NCOA7: variants seen among roughly 807,000 people sequenced by gnomAD.
NCOA7 encodes the protein 140 kDa estrogen receptor-associated protein.
In NCOA7, 45 loss-of-function variants were observed where a neutral mutation model predicts 104.3. That is an observed-to-expected ratio of 0.43 (90% CI 0.34 to 0.55). The LOEUF (loss-of-function observed/expected upper bound fraction) is 0.55, where lower values mean the gene tolerates loss of function less well. NCOA7 is among the 20% of genes least tolerant of loss of function. The pLI is 0.02. For missense variants in NCOA7, 1,041 were observed against 1,119.7 expected, an observed-to-expected ratio of 0.93 and a Z score of 1.00; for synonymous variants, 398 against 402.3, an observed-to-expected ratio of 0.99 and a Z score of 0.13.
intron 2 of NCOA7, among the ~76,000 whole-genome samples, chr6:125,836,051 G>A (rs913950999): frequency 6.6e-6 from 1 of 152,038 alleles, no homozygotes; most frequent in Non-Finnish European, 1.5e-5. Context: ...GAAACAAAAT[G>A]GAAAAGGTAC....
At chr6:125,840,578 A>G (rs956456753) in intron 2 of NCOA7, among the ~76,000 whole-genome samples, 5 of 151,738 alleles carry the variant, frequency 3.3e-5, no homozygotes, top group African/African-American at 1.2e-4. Flanking sequence ...CAGTGGCATG[A>G]TCATAGCTCA....
At position 125,889,600 on chromosome 6, in the gene NCOA7, G is replaced by A. The variant is rs1784485965; in HGVS notation, c.1546G>A (p.Asp516Asn). 4 of 1,613,776 alleles carry A rather than the reference G, an allele frequency of 2.5e-6. No individual in the cohort carries two copies. In the East Asian group the frequency reaches 8.9e-5, roughly 36 times the overall value. The change falls in exon 9 of 16, where the codon GAT becomes AAT. Residue 516 changes from aspartate to asparagine, a missense_variant. Asp to Asn is a conservative substitution (Grantham distance 23, BLOSUM62 1). Transcript: ENST00000392477. Reference protein sequence around the residue: ...RVENTLNIHEDLDKVKLIEYY... With the variant: ...RVENTLNIHENLDKVKLIEYY... ...AGAAAACACACTGAACATACATGAA[G>A]ATTTAGATAAAGTTAAACTCATTGA... is the stretch of plus-strand genomic sequence containing the variant.
intron 1 of NCOA7, among the ~76,000 whole-genome samples, chr6:125,812,907 A>C (rs908582175): frequency 6.6e-6 from 1 of 152,294 alleles, no homozygotes; most frequent in South Asian, 2.1e-4. Flanking sequence ...ATGTCAACTC[A>C]TCAGTCTCCT....
upstream of NCOA7, among the ~76,000 whole-genome samples, chr6:125,789,095 C>A (rs558163923): frequency 6.6e-6 from 1 of 152,290 alleles, no homozygotes; most frequent in South Asian, 2.1e-4. Flanking sequence ...GCCAAATTCT[C>A]CTAAGTGACT....
chr6:125,817,444 T>A (rs1777697618), intron 2 of NCOA7, among the ~76,000 whole-genome samples: 1 of 152,242 alleles, frequency 6.6e-6, no homozygotes, highest in East Asian at 1.9e-4. Flanking sequence ...ATATTTTTTA[T>A]TTTTATCTTA....
At chr6:125,904,834 G>A (rs991431705) in intron 10 of NCOA7, among the ~76,000 whole-genome samples, 28 of 152,130 alleles carry the variant, frequency 1.8e-4, no homozygotes, top group Non-Finnish European at 2.5e-4. Flanking sequence ...AAATGCTCAG[G>A]TTTGCATTTT....
At chr6:125,858,523 G>A (rs896107358) in intron 3 of NCOA7, among the ~76,000 whole-genome samples, 1 of 151,888 alleles carries the variant, frequency 6.6e-6, no homozygotes, top group Non-Finnish European at 1.5e-5. Flanking sequence ...TGTAGTCCCA[G>A]CTACTTGGGA....
intron 1 of NCOA7, among the ~76,000 whole-genome samples, chr6:125,809,542 T>C (rs1415046362): frequency 6.6e-6 from 1 of 152,220 alleles, no homozygotes; most frequent in Admixed American, 6.5e-5. Context: ...CAGGTTTCTC[T>C]ACTGTTACAG....
At chr6:125,831,248 C>T (rs1160773708) in intron 2 of NCOA7, among the ~76,000 whole-genome samples, 2 of 152,156 alleles carry the variant, frequency 1.3e-5, no homozygotes, top group African/African-American at 4.8e-5. Flanking sequence ...TTCTATACTA[C>T]CTCCTGTGAC....
chr6:125,821,500 CTG>C (rs1281825491), intron 2 of NCOA7, among the ~76,000 whole-genome samples: 5 of 152,138 alleles, frequency 3.3e-5, no homozygotes, highest in African/African-American at 1.2e-4. Context: ...GCATAGATTT[CTG>C]TGGGCAGTCT....
At chr6:125,876,535 A>G (rs111551899) in intron 4 of NCOA7, among the ~76,000 whole-genome samples, 9 of 152,182 alleles carry the variant, frequency 5.9e-5, no homozygotes, top group Middle Eastern at 3.4e-3. Flanking sequence ...TGCTCCTCCA[A>G]AGAATGGAGA....
intron 1 of NCOA7, among the ~76,000 whole-genome samples, chr6:125,793,314 C>T (rs1395892088): frequency 6.6e-6 from 1 of 152,162 alleles, no homozygotes; most frequent in African/African-American, 2.4e-5. Context: ...AAAGCCCTCC[C>T]CTTTGGTTAC....
chr6:125,884,853 T>C (rs1323363300), intron 7 of NCOA7, among the ~76,000 whole-genome samples: 3 of 152,156 alleles, frequency 2.0e-5, no homozygotes, highest in Non-Finnish European at 4.4e-5. Context: ...CTAGAAAATC[T>C]AGGAAATCTG....
At chr6:125,900,575 C>A (rs1410027928) in intron 10 of NCOA7, among the ~76,000 whole-genome samples, 2 of 152,150 alleles carry the variant, frequency 1.3e-5, no homozygotes, top group African/African-American at 4.8e-5. Context: ...TGTATGTGTA[C>A]ATTGTGAAAT....
intron 6 of NCOA7, 110 bp from the exon 7 acceptor site, chr6:125,882,316 C>T (rs1254947971): frequency 1.3e-5 from 14 of 1,064,394 alleles, no homozygotes; most frequent in African/African-American, 1.6e-5. Flanking sequence ...TTTAATGTTC[C>T]ACTTAAATAG....
chr6:125,885,391 T>A, intron 8 of NCOA7, 48 bp downstream of exon 8: 2 of 1,577,644 alleles, frequency 1.3e-6, no homozygotes, highest in South Asian at 2.3e-5. Context: ...TTGAGAGAGC[T>A]AAATGTAGCT....
chr6:125,876,550 C>G (rs1248426873), intron 4 of NCOA7, among the ~76,000 whole-genome samples: 1 of 150,204 alleles, frequency 6.7e-6, no homozygotes, highest in Non-Finnish European at 1.5e-5. Context: ...TGGAGAGGTG[C>G]TTTTGCCAGG....
intron 13 of NCOA7, among the ~76,000 whole-genome samples, chr6:125,925,910 A>G (rs1005777277): frequency 6.6e-6 from 1 of 152,226 alleles, no homozygotes; most frequent in African/African-American, 2.4e-5. Flanking sequence ...AGAAAAAAAG[A>G]CATTTTCTCA....
chr6:125,793,150 T>C (rs1351005156), intron 1 of NCOA7, among the ~76,000 whole-genome samples: 1 of 152,058 alleles, frequency 6.6e-6, no homozygotes, highest in Non-Finnish European at 1.5e-5. Context: ...AGGGAACTTA[T>C]GAAAAAAATT....
Sources: gnomAD v4.1 joint callset for allele counts (sites outside exome capture counted in the v4.1 genomes callset) on GRCh38, gnomAD v4.1.1 for gene constraint, MANE v1.5 for transcripts, NCBI Gene and HGNC (gene_info 2026-07-23, HGNC 2026-07-21) for gene names.